ADAM22: variants seen among roughly 807,000 people sequenced by gnomAD.
ADAM22 encodes the protein disintegrin and metalloproteinase domain-containing protein 22.
Under a neutral mutation model 144.6 loss-of-function variants are expected in ADAM22, and 65 were observed. The ratio of observed to expected loss-of-function variants is 0.45; its 90% CI spans 0.37 to 0.55. ADAM22 has a LOEUF of 0.55. Ranked by LOEUF, ADAM22 falls within the 20% of genes least tolerant of loss-of-function variation. The pLI is 0.00. For missense variants in ADAM22, 974 were observed against 1,184.9 expected (o/e 0.82, Z 2.61); for synonymous variants, 391 against 412.6 (o/e 0.95, Z 0.63).
chr7:87,998,411 G>T (rs1219547798), intron 3 of ADAM22, among the ~76,000 whole-genome samples: 1 of 152,006 alleles, frequency 6.6e-6, no homozygotes, highest in South Asian at 2.1e-4. Context: ...ATTTTTTTGA[G>T]ACAGGGTCTT....
chr7:88,164,362 A>G (rs1053821516), intron 23 of ADAM22, among the ~76,000 whole-genome samples: 7 of 152,110 alleles, frequency 4.6e-5, no homozygotes, highest in African/African-American at 1.7e-4. Context: ...TGGCAAATCA[A>G]CATCCAGATA....
chr7:87,992,841 G>T (rs1790214523), intron 3 of ADAM22, among the ~76,000 whole-genome samples: 1 of 152,016 alleles, frequency 6.6e-6, no homozygotes, highest in Admixed American at 6.6e-5. Flanking sequence ...AAGACAAAAA[G>T]ACCACCTCTT....
intron 18 of ADAM22, 47 bp from the exon 19 acceptor site, chr7:88,150,933 CT>C (rs1231456092): frequency 1.4e-6 from 2 of 1,465,882 alleles, no homozygotes; most frequent in Non-Finnish European, 1.9e-6. Flanking sequence ...TTAGCTCAGC[CT>C]TATATTTTGC....
intron 3 of ADAM22, among the ~76,000 whole-genome samples, chr7:87,989,658 A>G (rs1789317169): frequency 6.6e-6 from 1 of 152,190 alleles, no homozygotes; most frequent in African/African-American, 2.4e-5. Context: ...GCTCACGCCT[A>G]TAATCCCAGC....
intron 3 of ADAM22, among the ~76,000 whole-genome samples, chr7:87,985,821 G>A (rs1350088593): frequency 1.3e-5 from 2 of 152,142 alleles, no homozygotes; most frequent in Non-Finnish European, 2.9e-5. Context: ...CTCTTGGATA[G>A]ATACCTAGAA....
Position 88,165,944 on chromosome 7 carries a change from A to G in ADAM22, c.2189A>G (p.Asn730Ser), listed in dbSNP as rs1175165962. The G allele has an allele frequency of 1.2e-6, 2 of 1,605,410 alleles. No homozygotes were observed. The highest frequency in any genetic ancestry group is 3.4e-5 in the Admixed American group (2 of 58,724). ...AAGACTGGTATCACTCTGTCTGGCAATGGTAAGTACTTAATTTGGTAACAT... is the reference window on the plus strand; with the variant it reads ...AAGACTGGTATCACTCTGTCTGGCAGTGGTAAGTACTTAATTTGGTAACAT... ...DAKTGITLSG[N>S]GVAGTNIIIG... Residue 730 changes from asparagine to serine, a missense_variant and splice_region_variant, in exon 24 of 32, where the codon AAT becomes AGT. By Grantham distance (46) the Asn-to-Ser change is conservative (BLOSUM62 1). This residue lies in a region of ADAM22 where 734 missense variants were observed against 950.6 expected (regional missense o/e 0.77). Coordinates refer to ENST00000413139, the MANE Select transcript of ADAM22 (RefSeq NM_001324418.2).
At chr7:87,956,018 C>G (rs1049983614) in intron 2 of ADAM22, among the ~76,000 whole-genome samples, 1 of 152,178 alleles carries the variant, frequency 6.6e-6, no homozygotes, top group Admixed American at 6.5e-5. Flanking sequence ...CGATTTTCTA[C>G]GTGCCGTCTG....
At chr7:87,961,197 C>T (rs1847927135) in intron 2 of ADAM22, among the ~76,000 whole-genome samples, 1 of 152,040 alleles carries the variant, frequency 6.6e-6, no homozygotes, top group Non-Finnish European at 1.5e-5. Flanking sequence ...GTGAGTCATA[C>T]AGGTATCTTA....
At chr7:88,104,026 T>C (rs185817064) in intron 4 of ADAM22, among the ~76,000 whole-genome samples, 77 of 152,286 alleles carry the variant, frequency 5.1e-4, no homozygotes, top group Non-Finnish European at 9.4e-4. Context: ...TAGTACTCTA[T>C]CCTGCATATA....
At chr7:88,102,753 C>T (rs1823280345) in intron 4 of ADAM22, among the ~76,000 whole-genome samples, 1 of 152,128 alleles carries the variant, frequency 6.6e-6, no homozygotes, top group Non-Finnish European at 1.5e-5. Flanking sequence ...AGAATCACAG[C>T]TCAAGGGACA....
intron 3 of ADAM22, among the ~76,000 whole-genome samples, chr7:88,056,168 A>G (rs968681077): frequency 1.3e-5 from 2 of 152,164 alleles, no homozygotes; most frequent in African/African-American, 4.8e-5. Context: ...CTCTGCATAG[A>G]ATATTTATAG....
In ADAM22 at chr7:88,116,730, C is replaced by T. The variant is rs1196915718; in HGVS notation, c.538-15C>T. The T allele has an allele frequency of 6.2e-7, 1 of 1,607,744 alleles. No individual in the cohort carries two copies. Among genetic ancestry groups the T allele is most frequent in the African/African-American group, 1.3e-5 (1 of 74,876 alleles). On this transcript the variant is annotated splice_polypyrimidine_tract_variant and intron_variant, in intron 6 of 31. Coordinates refer to ENST00000413139, the MANE Select transcript of ADAM22 (RefSeq NM_001324418.2). ...TGTTGTACATGCTTAATCACTGTTG[C>T]TTGTGTCATTTCAGGAGGATTTCCA...
intron 3 of ADAM22, among the ~76,000 whole-genome samples, chr7:88,074,151 A>G (rs1459183441): frequency 6.6e-6 from 1 of 152,166 alleles, no homozygotes; most frequent in Admixed American, 6.5e-5. Context: ...GGCCCAAAGT[A>G]TCAATTGTGT....
In ADAM22 at chr7:88,063,160, T is replaced by C. The variant is rs140935989; in HGVS notation, c.324-12466T>C. On this transcript the variant is annotated intron_variant, in intron 3 of 31. Coordinates refer to ENST00000413139, the MANE Select transcript of ADAM22 (RefSeq NM_001324418.2). ...TCAATTTGTAAAACAACAATAGCAA[T>C]AACAAGAACAAAAACACAGTATCTG... Among the ~76,000 whole-genome samples, 988 of 151,916 alleles carry C rather than the reference T, an allele frequency of 6.5e-3. 32 individuals carry two copies. Among genetic ancestry groups the C allele is most frequent in the Admixed American group, 0.056 (861 of 15,258 alleles).
chr7:87,999,906 T>A (rs1792123951), intron 3 of ADAM22, among the ~76,000 whole-genome samples: 1 of 151,762 alleles, frequency 6.6e-6, no homozygotes, highest in African/African-American at 2.4e-5. Flanking sequence ...GACCAGGAGC[T>A]CCAGGCTGTA....
At chr7:88,036,018 C>A (rs1195911242) in intron 3 of ADAM22, among the ~76,000 whole-genome samples, 1 of 152,180 alleles carries the variant, frequency 6.6e-6, no homozygotes, top group Middle Eastern at 3.2e-3. Flanking sequence ...ATAATACTTA[C>A]ATGTAATCAT....
chr7:87,944,233 C>A (rs1169468087), intron 2 of ADAM22, among the ~76,000 whole-genome samples: 2 of 151,774 alleles, frequency 1.3e-5, no homozygotes, highest in African/African-American at 4.8e-5. Context: ...TGAACCTAGG[C>A]ACTTCAAGGT....
chr7:88,200,467 C>T lies in ADAM22; in HGVS notation c.*3976C>T, dbSNP rs1851110944. 6.6e-6 allele frequency: 1 copy of T among 152,248 alleles called. No homozygotes were observed. Among genetic ancestry groups the T allele is most frequent in the Non-Finnish European group, 1.5e-5 (1 of 68,046 alleles). The allele number at this position is 152,248 out of a possible 1,614,324, so 9.4% of individuals were successfully genotyped here. ...CAGTCTGATAGGACACATCTGGCTG[C>T]TGCCACTGGATGCCCACATGGGCAG... On this transcript the variant is annotated 3_prime_UTR_variant, in exon 32 of 32. Transcript: ENST00000413139.
At chr7:88,097,826 A>G (rs1224811447) in intron 4 of ADAM22, among the ~76,000 whole-genome samples, 1 of 152,128 alleles carries the variant, frequency 6.6e-6, no homozygotes, top group East Asian at 1.9e-4. Flanking sequence ...AAAAGTCCAT[A>G]TAGAGTAATG....
Sources: allele counts gnomAD v4.1 joint callset (sites outside exome capture counted in the v4.1 genomes callset), GRCh38; gene constraint gnomAD v4.1.1; regional missense constraint gnomAD v4.1.1; transcripts MANE v1.5; gene names NCBI Gene and HGNC (gene_info 2026-07-23, HGNC 2026-07-21).